The following SLC38A10 variants were observed in gnomAD, a reference collection of about 807,000 sequenced individuals.
The protein encoded by SLC38A10 is solute carrier family 38 member 10.
In SLC38A10, 53 loss-of-function variants were observed where a neutral mutation model predicts 81.0. The ratio of observed to expected loss-of-function variants is 0.65; its 90% confidence interval spans 0.53 to 0.82. The LOEUF (loss-of-function observed/expected upper bound fraction) is 0.82. Ranked by LOEUF, SLC38A10 falls within the 40% of genes least tolerant of loss-of-function variation. The pLI is 0.00. For missense variants in SLC38A10, 1,471 were observed against 1,545.0 expected (o/e 0.95, Z 0.80); for synonymous variants, 665 against 655.3 (o/e 1.01, Z -0.23).
intron 4 of SLC38A10, among the ~76,000 whole-genome samples, 171 bp from the exon 5 acceptor site, chr17:81,282,503 A>G (rs55853189): frequency 0.041 from 6,308 of 152,276 alleles, 186 homozygotes; most frequent in Middle Eastern, 0.085. Flanking sequence ...TCTCACAGCC[A>G]CTGTGCCGTG....
Position 81,294,859 on chromosome 17 carries a change from C to T in SLC38A10, c.63G>A (p.Gly21=), listed in dbSNP as rs147280620. The T allele has an allele frequency of 1.9e-4, 298 of 1,599,148 alleles. 2 individuals are homozygous for T. The African/African-American group carries it at 3.7e-3, about 20-fold the overall frequency. Reference sequence around the variant, plus strand: ...AGAAGGGCATGGTGAGGACACTGACCCCTACGATGCTGTTCACGATGTTCG... The same window carrying T: ...AGAAGGGCATGGTGAGGACACTGACTCCTACGATGCTGTTCACGATGTTCG... The part of the protein sequence containing the change: ...LITNIVNSIV[G]VSVLTMPFCF... Residue 21 remains glycine, a synonymous_variant, in exon 1 of 16, where the codon GGG becomes GGA. Coordinates refer to ENST00000374759, the MANE Select transcript of SLC38A10 (RefSeq NM_001037984.3).
At chr17:81,279,060 C>T (rs747012259) in intron 6 of SLC38A10, among the ~76,000 whole-genome samples, 2 of 152,242 alleles carry the variant, frequency 1.3e-5, no homozygotes, top group South Asian at 2.1e-4. Context: ...ATCCCTGGCC[C>T]GCCCACCTTG....
intron 1 of SLC38A10, among the ~76,000 whole-genome samples, chr17:81,292,420 C>G (rs1344026886): frequency 6.6e-6 from 1 of 151,752 alleles, no homozygotes; most frequent in Non-Finnish European, 1.5e-5. Context: ...CCAACACGCC[C>G]AGCTATGTAT....
chr17:81,245,857 AGCTCTG>A lies in SLC38A10; in HGVS notation c.3053_3058del (p.Pro1018_Glu1019del). The A allele has an allele frequency of 6.2e-7, 1 of 1,612,154 alleles. No individual in the cohort carries two copies. Among genetic ancestry groups the A allele is most frequent in the Non-Finnish European group, 8.5e-7 (1 of 1,179,566 alleles). ...CCCCGGGACAGCTCGTTTGAGCCCC[AGCTCTG>A]GCTCTGGCCTCTGCCTGGGCTCCTG... On this transcript the variant is annotated inframe_deletion, in exon 16 of 16. Coordinates refer to ENST00000374759, the MANE Select transcript of SLC38A10 (RefSeq NM_001037984.3).
At chr17:81,251,301 G>C (rs1401278478) in intron 14 of SLC38A10, 192 bp downstream of exon 14, 3 of 1,612,932 alleles carry the variant, frequency 1.9e-6, no homozygotes, top group Non-Finnish European at 2.5e-6. Flanking sequence ...GCAGATAAAA[G>C]GTTCCCAGAA....
chr17:81,281,702 G>C lies in SLC38A10; in HGVS notation c.501+487C>G, dbSNP rs1312867600. 6.6e-6 allele frequency among the ~76,000 whole-genome samples: 1 copy of C among 152,148 alleles called. No homozygotes were observed. The highest frequency in any genetic ancestry group is 1.5e-5 in the Non-Finnish European group (1 of 68,032). On this transcript the variant is annotated intron_variant, in intron 5 of 15. Transcript: ENST00000374759. This position sits in a 1 kb window ranked among gnomAD's most constrained non-coding sequence, Gnocchi z 5.3. Reference sequence around the variant, plus strand: ...GAGGCAGGAGAATCACTTGAACCCAGGAGATGGAGGTTGCAGTGAGCCGAG... The same window carrying C: ...GAGGCAGGAGAATCACTTGAACCCACGAGATGGAGGTTGCAGTGAGCCGAG...
chr17:81,252,079 G>C, intron 13 of SLC38A10, 116 bp downstream of exon 13: 1 of 1,399,212 alleles, frequency 7.1e-7, no homozygotes, highest in Non-Finnish European at 9.5e-7. Context: ...ATGCTAATCT[G>C]GTGCAGGGAG....
At chr17:81,248,044 G>A (rs926261625) in intron 14 of SLC38A10, among the ~76,000 whole-genome samples, 2 of 129,958 alleles carry the variant, frequency 1.5e-5, no homozygotes, top group African/African-American at 2.8e-5. Context: ...TGCAAGCTCC[G>A]CCTCCCGGGT....
chr17:81,260,295 CA>C lies in SLC38A10; in HGVS notation c.1230del (p.Gly411AlafsTer10). The C allele has an allele frequency of 6.2e-7, 1 of 1,607,474 alleles. No homozygotes were observed. Among genetic ancestry groups the C allele is most frequent in the Non-Finnish European group, 8.5e-7 (1 of 1,177,810 alleles). ...CCCTCGGCCTCTCCAAGCCGGCCGC[CA>C]GGGGCTTCCTCTGCCAAGTCCTCGG... The part of the protein sequence containing the change: ...EVPEDLAEEA[P>X]GGRLGEAEGL... On this transcript the variant is annotated frameshift_variant, in exon 11 of 16. Transcript: ENST00000374759. LOFTEE classifies it high-confidence loss of function.
intron 14 of SLC38A10, among the ~76,000 whole-genome samples, chr17:81,249,322 G>C (rs1311446182): frequency 2.6e-5 from 1 of 38,134 alleles, no homozygotes; most frequent in Non-Finnish European, 5.3e-5. Flanking sequence ...GGAGGGAAGA[G>C]GAGGAAGGAG....
At chr17:81,251,322 T>G in intron 14 of SLC38A10, 171 bp downstream of exon 14, 5 of 1,612,898 alleles carry the variant, frequency 3.1e-6, no homozygotes, top group Non-Finnish European at 4.2e-6. Context: ...AGCAAGCTGC[T>G]GATGGGAAGG....
rs1158826028 is a variant in SLC38A10 at position 81,246,644 on chromosome 17, C to T, written c.2272G>A (p.Val758Met). The change falls in exon 16 of 16, where the codon GTG becomes ATG. Residue 758 changes from valine (V) to methionine (M), a missense_variant. By Grantham distance (21) the Val-to-Met change is conservative. Around this residue, in one of 2 missense-constraint regions of SLC38A10, gnomAD observed 751 missense variants for 717.4 expected, o/e 1.05. Coordinates refer to ENST00000374759, the MANE Select transcript of SLC38A10 (RefSeq NM_001037984.3). The stretch of plus-strand genomic sequence containing the variant: ...TCAGGGGCCTCCTGGCCTCTGGGCA[C>T]CGCTGCCCCGGGCTCTTGATGCACC... ...VEVHQEPGAA[V>M]PRGQEAPEGK... 2 of 1,511,484 alleles carry T rather than the reference C, an allele frequency of 1.3e-6. No individual in the cohort carries two copies. Among genetic ancestry groups the T allele is most frequent in the East Asian group, 2.3e-5 (1 of 43,434 alleles). 93.6% of individuals were successfully genotyped at this position (1,511,484 alleles called of 1,614,324 possible).
At chr17:81,260,086 G>T in intron 11 of SLC38A10, 152 bp downstream of exon 11, 1 of 983,040 alleles carries the variant, frequency 1.0e-6, no homozygotes, top group Non-Finnish European at 1.5e-6. Flanking sequence ...CACAGAGCAT[G>T]TTCACAGGGG....
chr17:81,254,802 G>C (rs995586205), intron 11 of SLC38A10, among the ~76,000 whole-genome samples: 1 of 152,338 alleles, frequency 6.6e-6, no homozygotes, highest in East Asian at 1.9e-4. Flanking sequence ...AAAACATACT[G>C]GTCTCCATCA....
At chr17:81,273,407 C>A (rs1166664435) in intron 8 of SLC38A10, among the ~76,000 whole-genome samples, 1 of 152,188 alleles carries the variant, frequency 6.6e-6, no homozygotes, top group African/African-American at 2.4e-5. Flanking sequence ...CAAGTGACTT[C>A]TCGGTGCCTC....
intron 10 of SLC38A10, 132 bp from the exon 11 acceptor site, chr17:81,260,526 C>G: frequency 1.6e-6 from 2 of 1,247,048 alleles, no homozygotes; most frequent in Non-Finnish European, 2.2e-6. Context: ...CAAAGTCCCC[C>G]GAGGACGGGA....
At chr17:81,278,060 C>G (rs66597207) in intron 6 of SLC38A10, among the ~76,000 whole-genome samples, 5,625 of 119,316 alleles carry the variant, frequency 0.047, 291 homozygotes, top group African/African-American at 0.12. Flanking sequence ...AGAAAGCCAG[C>G]AGCCAGTAAA....
chr17:81,275,343 G>A (rs913740125), intron 8 of SLC38A10, among the ~76,000 whole-genome samples: 1 of 152,108 alleles, frequency 6.6e-6, no homozygotes, highest in Admixed American at 6.5e-5. Context: ...GGGACCACAG[G>A]CACCACCAAT....
chr17:81,256,948 G>C (rs1368544003), intron 11 of SLC38A10, among the ~76,000 whole-genome samples: 1 of 152,200 alleles, frequency 6.6e-6, no homozygotes, highest in Non-Finnish European at 1.5e-5. Context: ...CACTGCTTTT[G>C]CCTCCGCCGT....
Sources: allele counts gnomAD v4.1 joint callset (sites outside exome capture counted in the v4.1 genomes callset), GRCh38; gene constraint gnomAD v4.1.1; regional missense constraint gnomAD v4.1.1; non-coding constraint Gnocchi (gnomAD v3.1); transcripts MANE v1.5; gene names NCBI Gene and HGNC (gene_info 2026-07-23, HGNC 2026-07-21).